Variants in TMTC2 observed in about 807,000 individuals in gnomAD.
TMTC2 encodes the protein transmembrane O-mannosyltransferase targeting cadherins 2.
A neutral mutation model predicts 82.4 loss-of-function variants in TMTC2; 43 were observed. That is an observed-to-expected ratio of 0.52 (90% CI 0.41 to 0.67). The LOEUF (loss-of-function observed/expected upper bound fraction) is 0.67, where lower values mean the gene tolerates loss of function less well. Among genes scored for constraint, TMTC2 ranks in the 30% least tolerant of loss-of-function variants. The pLI is 0.00. For missense variants in TMTC2, 919 were observed against 1,012.4 expected (o/e 0.91, Z 1.25); for synonymous variants, 408 against 381.9 (o/e 1.07, Z -0.80).
chr12:82,846,060 CCTA>C (rs2137098244), intron 1 of TMTC2, among the ~76,000 whole-genome samples: 1 of 151,726 alleles, frequency 6.6e-6, no homozygotes, highest in East Asian at 1.9e-4. Context: ...CTCATTTTCT[CCTA>C]CTAAGAGGAA....
At chr12:83,064,148 T>TGGTTG (rs1882839428) in intron 11 of TMTC2, among the ~76,000 whole-genome samples, 1 of 151,858 alleles carries the variant, frequency 6.6e-6, no homozygotes, top group Non-Finnish European at 1.5e-5. Context: ...TTTGGTCAAG[T>TGGTTG]GGTTGGTCAA....
chr12:82,862,308 C>A (rs935887520), intron 2 of TMTC2, among the ~76,000 whole-genome samples: 2 of 152,194 alleles, frequency 1.3e-5, no homozygotes, highest in Non-Finnish European at 2.9e-5. Context: ...TCAGTCATTG[C>A]TTGCCTAGTG....
intron 1 of TMTC2, among the ~76,000 whole-genome samples, chr12:82,781,335 GTAGTACA>G (rs1417150678): frequency 6.6e-6 from 1 of 150,468 alleles, no homozygotes; most frequent in African/African-American, 2.4e-5. Context: ...CAACAGTCCT[GTAGTACA>G]TTTTAAGAAA....
chr12:82,707,072 G>A (rs1187341188), intron 1 of TMTC2, among the ~76,000 whole-genome samples: 1 of 152,196 alleles, frequency 6.6e-6, no homozygotes, highest in Non-Finnish European at 1.5e-5. Flanking sequence ...ATATGTTTGA[G>A]CTGCTGTAAC....
intron 8 of TMTC2, among the ~76,000 whole-genome samples, chr12:82,999,366 A>G (rs972922093): frequency 1.3e-5 from 2 of 152,210 alleles, no homozygotes; most frequent in East Asian, 1.9e-4. Context: ...AAGGATATCT[A>G]TTAGCGATGT....
chr12:83,042,524 T>C (rs1418237877), intron 9 of TMTC2, among the ~76,000 whole-genome samples: 1 of 152,192 alleles, frequency 6.6e-6, no homozygotes, highest in Non-Finnish European at 1.5e-5. Context: ...ATCTGTGTGT[T>C]ACTTAAACCT....
At chr12:82,698,532 G>A (rs1872923181) in intron 1 of TMTC2, among the ~76,000 whole-genome samples, 1 of 152,182 alleles carries the variant, frequency 6.6e-6, no homozygotes, top group Non-Finnish European at 1.5e-5. Context: ...TGTACATTAA[G>A]TACAGCTGTC....
intron 4 of TMTC2, among the ~76,000 whole-genome samples, chr12:82,952,782 A>G (rs1877415789): frequency 6.6e-6 from 1 of 152,226 alleles, no homozygotes; most frequent in Admixed American, 6.5e-5. Context: ...CATGTTGGCC[A>G]GGCTGGTCTC....
intron 2 of TMTC2, among the ~76,000 whole-genome samples, chr12:82,891,193 C>A (rs375966045): frequency 2.0e-5 from 3 of 152,226 alleles, no homozygotes; most frequent in East Asian, 3.9e-4. Context: ...GAAATGAAAA[C>A]CATTTCCATG....
At chr12:83,076,824 C>G (rs1369475905) in intron 11 of TMTC2, among the ~76,000 whole-genome samples, 1 of 152,122 alleles carries the variant, frequency 6.6e-6, no homozygotes, top group Non-Finnish European at 1.5e-5. Flanking sequence ...GCTTCTTTAC[C>G]TTTCCTGTAC....
chr12:82,872,693 A>G (rs1158514250), intron 2 of TMTC2, among the ~76,000 whole-genome samples: 3 of 152,174 alleles, frequency 2.0e-5, no homozygotes, highest in Non-Finnish European at 2.9e-5. Flanking sequence ...AGGAGTGTCC[A>G]TGTGTCTAAT....
At chr12:82,977,884 C>T (rs1221383625) in intron 7 of TMTC2, among the ~76,000 whole-genome samples, 1 of 151,596 alleles carries the variant, frequency 6.6e-6, no homozygotes, top group African/African-American at 2.4e-5. Context: ...AATGAGAAAA[C>T]TGAATTTTGG....
intron 8 of TMTC2, among the ~76,000 whole-genome samples, chr12:83,001,135 A>C (rs1879902562): frequency 6.6e-6 from 1 of 151,832 alleles, no homozygotes; most frequent in Non-Finnish European, 1.5e-5. Flanking sequence ...CATTTTTCCC[A>C]TTGTCTTGGT....
intron 4 of TMTC2, among the ~76,000 whole-genome samples, chr12:82,932,375 A>G (rs1472894279): frequency 6.6e-6 from 1 of 152,078 alleles, no homozygotes; most frequent in Non-Finnish European, 1.5e-5. Flanking sequence ...ATTCTTTCAC[A>G]TGAAGCACAC....
chr12:82,821,714 T>C (rs577437748), intron 1 of TMTC2, among the ~76,000 whole-genome samples: 1 of 151,612 alleles, frequency 6.6e-6, no homozygotes, highest in East Asian at 1.9e-4. Flanking sequence ...CTACTAAAAA[T>C]ACAAAAAAAA....
At chr12:82,716,878 A>G (rs1411670069) in intron 1 of TMTC2, among the ~76,000 whole-genome samples, 1 of 152,206 alleles carries the variant, frequency 6.6e-6, no homozygotes, top group African/African-American at 2.4e-5. Context: ...CTTCTGACAT[A>G]TAAGTACTGT....
chr12:83,013,239 T>C (rs1208104468), intron 8 of TMTC2, among the ~76,000 whole-genome samples: 1 of 152,104 alleles, frequency 6.6e-6, no homozygotes, highest in Admixed American at 6.5e-5. Context: ...TATCCAAACA[T>C]TTATGAAATT....
chr12:82,712,790 T>C (rs1873693909), intron 1 of TMTC2, among the ~76,000 whole-genome samples: 1 of 152,146 alleles, frequency 6.6e-6, no homozygotes, highest in Non-Finnish European at 1.5e-5. Context: ...AATGGAAAGC[T>C]CTGGCAAACC....
intron 10 of TMTC2, among the ~76,000 whole-genome samples, chr12:83,052,321 A>G (rs1255759409): frequency 6.6e-6 from 1 of 152,260 alleles, no homozygotes; most frequent in African/African-American, 2.4e-5. Context: ...TCATAATTCA[A>G]CATTCATGTT....
Sources: gnomAD v4.1 joint callset for allele counts (sites outside exome capture counted in the v4.1 genomes callset) on GRCh38, gnomAD v4.1.1 for gene constraint, MANE v1.5 for transcripts, NCBI Gene and HGNC (gene_info 2026-07-23, HGNC 2026-07-21) for gene names.